The following LAMB4 variants were observed in gnomAD, a reference collection of about 807,000 sequenced individuals.
LAMB4 encodes laminin subunit beta 4.
LAMB4 carries 196 observed loss-of-function variants against 199.2 expected under a neutral mutation model. The observed-to-expected ratio is 0.98, with a 90% confidence interval of 0.88 to 1.11. The LOEUF is 1.11. Ranked by LOEUF, LAMB4 falls within the 50% of genes least tolerant of loss-of-function variation. LAMB4 has a pLI of 0.00. For missense variants in LAMB4, 2,080 were observed against 2,171.2 expected, an observed-to-expected ratio of 0.96 and a Z score of 0.83; for synonymous variants, 744 against 770.6, an observed-to-expected ratio of 0.97 and a Z score of 0.57.
chr7:108,097,558 G>C (rs1390310058), intron 11 of LAMB4, among the ~76,000 whole-genome samples: 1 of 152,194 alleles, frequency 6.6e-6, no homozygotes, highest in Non-Finnish European at 1.5e-5. Context: ...GGCCGAGACG[G>C]GCGGATCACG....
intron 5 of LAMB4, among the ~76,000 whole-genome samples, chr7:108,108,573 C>G (rs532734578): frequency 1.8e-4 from 28 of 152,242 alleles, no homozygotes; most frequent in Admixed American, 5.2e-4. Flanking sequence ...CTGTACTTAT[C>G]ACTTTGTATT....
chr7:108,065,411 G>A (rs765471565), intron 21 of LAMB4, among the ~76,000 whole-genome samples: 9 of 152,136 alleles, frequency 5.9e-5, no homozygotes, highest in Middle Eastern at 3.4e-3. Context: ...TTATTTTTTA[G>A]TTGCTTGTTA....
intron 21 of LAMB4, among the ~76,000 whole-genome samples, chr7:108,064,858 G>C (rs1444637945): frequency 2.7e-5 from 4 of 150,554 alleles, no homozygotes; most frequent in African/African-American, 4.9e-5. Flanking sequence ...CTTATTTTCA[G>C]TAAACATTCA....
In LAMB4 at chr7:108,121,729, G is replaced by A. The variant is rs566590192; in HGVS notation, c.34+1402C>T. On this transcript the variant is annotated intron_variant, in intron 2 of 33. Coordinates refer to ENST00000388781, the MANE Select transcript of LAMB4 (RefSeq NM_007356.3). ...CGCACCATTGCACTCCAGCCTGGGC[G>A]ACAAGAATGAAACTCTGTCTTAAAA... 1.2e-4 allele frequency among the ~76,000 whole-genome samples: 18 copies of A among 148,556 alleles called. 1 individual carries two copies. The highest frequency in any genetic ancestry group is 3.5e-3 in the Middle Eastern group (1 of 288).
At chr7:108,044,798 C>T (rs995152984) in intron 28 of LAMB4, among the ~76,000 whole-genome samples, 8 of 151,502 alleles carry the variant, frequency 5.3e-5, no homozygotes, top group Admixed American at 1.3e-4. Flanking sequence ...ACTAAAAATG[C>T]CAAAATTAGC....
In LAMB4 at chr7:108,037,464, A is replaced by C. The variant is rs1239363968; in HGVS notation, c.4603T>G (p.Tyr1535Asp). Reference sequence around the variant, plus strand: ...TTTAACCTGTTTTCATCTGTCCTGTAATCCTCACAGAGTTGCATATGTTTC... The same window carrying C: ...TTTAACCTGTTTTCATCTGTCCTGTCATCCTCACAGAGTTGCATATGTTTC... ...IQKHMQLCEDYRTDENRLNEE... is the reference protein window; with the variant it reads ...IQKHMQLCEDDRTDENRLNEE... The change falls in exon 30 of 34, where the codon TAC becomes GAC. Residue 1535 changes from tyrosine to aspartate, a missense_variant. Tyr to Asp is a radical substitution (Grantham distance 160). Coordinates refer to ENST00000388781, the MANE Select transcript of LAMB4 (RefSeq NM_007356.3). The C allele has an allele frequency of 6.2e-6, 10 of 1,614,140 alleles. No individual in the cohort carries two copies. Among genetic ancestry groups the C allele is most frequent in the Non-Finnish European group, 8.5e-6 (10 of 1,180,016 alleles).
intron 17 of LAMB4, among the ~76,000 whole-genome samples, chr7:108,073,335 ACTT>A (rs1376445343): frequency 2.0e-5 from 3 of 152,212 alleles, no homozygotes; most frequent in Admixed American, 6.5e-5. Flanking sequence ...GCCATGACTC[ACTT>A]CTTCTACCAG....
At chr7:108,083,443 G>C (rs1472664548) in intron 14 of LAMB4, among the ~76,000 whole-genome samples, 1 of 152,098 alleles carries the variant, frequency 6.6e-6, no homozygotes, top group Non-Finnish European at 1.5e-5. Context: ...CTTTTCTGAG[G>C]GCCGATTCAC....
At chr7:108,122,556 T>A (rs1336351477) in intron 2 of LAMB4, among the ~76,000 whole-genome samples, 1 of 152,218 alleles carries the variant, frequency 6.6e-6, no homozygotes, top group Non-Finnish European at 1.5e-5. Context: ...GCATAAATCT[T>A]TGAAGTGAAG....
intron 6 of LAMB4, 50 bp downstream of exon 6, chr7:108,107,580 CT>C (rs1440937211): frequency 1.4e-6 from 2 of 1,404,212 alleles, no homozygotes; most frequent in Non-Finnish European, 1.9e-6. Flanking sequence ...GTTAATTATA[CT>C]TTTTAAAAGT....
chr7:108,034,903 A>C (rs1374015404), intron 30 of LAMB4, among the ~76,000 whole-genome samples: 1 of 152,234 alleles, frequency 6.6e-6, no homozygotes, highest in African/African-American at 2.4e-5. Context: ...ACCTCAAGTC[A>C]ACAATCACCA....
chr7:108,019,320 C>T (rs10260535), downstream of LAMB4, among the ~76,000 whole-genome samples: 2,424 of 152,008 alleles, frequency 0.016, 66 homozygotes, highest in African/African-American at 0.053. Flanking sequence ...TCAATCCTCC[C>T]GTGCTGCTGT....
In LAMB4 at chr7:108,030,865, C is replaced by A. The variant is rs371803929; in HGVS notation, c.4933G>T (p.Ala1645Ser). The A allele has an allele frequency of 4.3e-6, 7 of 1,613,988 alleles. No individual in the cohort carries two copies. The Admixed American group carries it at 8.3e-5, about 19-fold the overall frequency. ...TCAGCCTGAACTTTCGCATTGACAG[C>A]GTGGTCTTGATGCCTTTGCAACTTG... ...QTKLQRHQDH[A>S]VNAKVQAESA... Residue 1645 changes from alanine (A) to serine (S), a missense_variant, in exon 32 of 34, where the codon GCT becomes TCT. Ala to Ser is a moderately conservative substitution (Grantham distance 99). Coordinates refer to ENST00000388781, the MANE Select transcript of LAMB4 (RefSeq NM_007356.3).
chr7:108,034,455 T>A, intron 30 of LAMB4, 109 bp from the exon 31 acceptor site: 1 of 797,324 alleles, frequency 1.3e-6, no homozygotes, highest in Non-Finnish European at 2.0e-6. Flanking sequence ...AATTATTAAG[T>A]AAATTTAAAT....
chr7:108,104,266 C>T (rs886797453), intron 9 of LAMB4, among the ~76,000 whole-genome samples: 7 of 149,796 alleles, frequency 4.7e-5, no homozygotes, highest in South Asian at 2.1e-4. Context: ...TGCCACACAA[C>T]ATGCTTACTG....
In LAMB4 at chr7:108,103,177, C is replaced by T. The variant is rs1158578870; in HGVS notation, c.1047G>A (p.Leu349=). 1 of 1,600,410 alleles carries T rather than the reference C, an allele frequency of 6.2e-7. No homozygotes were observed. The highest frequency in any genetic ancestry group is 2.2e-5 in the East Asian group (1 of 44,474). Reference sequence around the variant, plus strand: ...CGCCCCCGCTGAGGCCACCGCTTGCCAGGTACGTAGTCATGTCAAAGTGAC... The same window carrying T: ...CGCCCCCGCTGAGGCCACCGCTTGCTAGGTACGTAGTCATGTCAAAGTGAC... ...SRCHFDMTTY[L]ASGGLSGGVC... is the part of the protein sequence containing the mutation. Residue 349 remains leucine (L), a synonymous_variant, in exon 10 of 34, where the codon CTG becomes CTA. Coordinates refer to ENST00000388781, the MANE Select transcript of LAMB4 (RefSeq NM_007356.3).
intron 17 of LAMB4, among the ~76,000 whole-genome samples, chr7:108,072,538 G>A (rs1354662793): frequency 6.6e-6 from 1 of 152,072 alleles, no homozygotes. Flanking sequence ...TTAAAAAAGG[G>A]GGCATGGGAT....
the LAMB4 span, among the ~76,000 whole-genome samples, chr7:108,016,275 ATTTTTTTTTTT>A: frequency 6.9e-4 from 68 of 97,858 alleles, no homozygotes; most frequent in African/African-American, 3.0e-3. Context: ...GCATTTTGGA[ATTTTTTTTTTT>A]TTTTTTTTTT....
At chr7:108,032,300 G>C (rs1351767360) in intron 31 of LAMB4, among the ~76,000 whole-genome samples, 1 of 152,044 alleles carries the variant, frequency 6.6e-6, no homozygotes, top group African/African-American at 2.4e-5. Flanking sequence ...TGAGGCAGGA[G>C]ACTTGATTGA....
Sources: gnomAD v4.1 joint callset for allele counts (sites outside exome capture counted in the v4.1 genomes callset) on GRCh38, gnomAD v4.1.1 for gene constraint, MANE v1.5 for transcripts, NCBI Gene and HGNC (gene_info 2026-07-23, HGNC 2026-07-21) for gene names.